The following NRP1 variants were observed in gnomAD, a reference collection of about 807,000 sequenced individuals.
NRP1 encodes neuropilin-1.
Under a neutral mutation model 106.7 loss-of-function variants are expected in NRP1, and 35 were observed. That is an observed-to-expected ratio of 0.33 (90% CI 0.25 to 0.43). The LOEUF is 0.43. Ranked by LOEUF, NRP1 falls within the 20% of genes least tolerant of loss-of-function variation. NRP1 has a pLI of 1.00. For missense variants in NRP1, 1,024 were observed against 1,170.4 expected (o/e 0.87, Z 1.83); for synonymous variants, 437 against 417.9 (o/e 1.05, Z -0.56).
chr10:33,263,553 T>C, intron 4 of NRP1, 93 bp downstream of exon 4: 2 of 885,154 alleles, frequency 2.3e-6, no homozygotes, highest in Non-Finnish European at 1.7e-6. Context: ...TGAGGTTTTT[T>C]TTAATGATTC....
At chr10:33,283,193 G>A (rs926419451) in intron 2 of NRP1, among the ~76,000 whole-genome samples, 2 of 152,168 alleles carry the variant, frequency 1.3e-5, no homozygotes, top group African/African-American at 4.8e-5. Context: ...TAATATTTAT[G>A]ATGCTAGAAT....
chr10:33,194,515 G>T, intron 12 of NRP1: 1 of 290,586 alleles, frequency 3.4e-6, no homozygotes. Context: ...CCAGGACATG[G>T]AACCGCTTTG....
At chr10:33,209,298 A>G (rs1838085058) in intron 9 of NRP1, among the ~76,000 whole-genome samples, 1 of 152,226 alleles carries the variant, frequency 6.6e-6, no homozygotes, top group Admixed American at 6.5e-5. Flanking sequence ...ATTCTGTATT[A>G]TGGTCCTTTT....
At chr10:33,236,576 C>G (rs1380762147) in intron 6 of NRP1, among the ~76,000 whole-genome samples, 2 of 152,200 alleles carry the variant, frequency 1.3e-5, no homozygotes, top group Non-Finnish European at 2.9e-5. Context: ...TGCTGCTGAT[C>G]TGGTTGACTG....
chr10:33,306,351 G>A (rs1171430307), intron 2 of NRP1, among the ~76,000 whole-genome samples: 1 of 85,774 alleles, frequency 1.2e-5, no homozygotes, highest in Non-Finnish European at 2.3e-5. Flanking sequence ...CTGCGGGTCA[G>A]AAGGGTGTGT....
intron 16 of NRP1, 26 bp from the exon 17 acceptor site, chr10:33,180,391 C>A (rs1202948412): frequency 6.5e-7 from 1 of 1,548,602 alleles, no homozygotes; most frequent in Non-Finnish European, 8.7e-7. Context: ...ATATTGTCTC[C>A]GTGAGCACCG....
intron 4 of NRP1, among the ~76,000 whole-genome samples, chr10:33,258,298 C>T (rs932403010): frequency 6.6e-6 from 1 of 152,156 alleles, no homozygotes; most frequent in African/African-American, 2.4e-5. Flanking sequence ...CTAAAGTAAA[C>T]CAAAATGGTT....
At chr10:33,263,412 T>A (rs1404036060) in intron 4 of NRP1, among the ~76,000 whole-genome samples, 4 of 152,208 alleles carry the variant, frequency 2.6e-5, no homozygotes, top group Non-Finnish European at 5.9e-5. Context: ...TTTTGTAATC[T>A]TTCATGGCCT....
At chr10:33,207,746 A>G in intron 9 of NRP1, 30 bp from the exon 10 acceptor site, 1 of 1,597,598 alleles carries the variant, frequency 6.3e-7, no homozygotes, top group African/African-American at 1.4e-5. Context: ...CAGGGCATTA[A>G]GGAAAAAAAA....
chr10:33,226,346 A>G (rs1839670605), intron 6 of NRP1, 57 bp from the exon 7 acceptor site: 5 of 1,586,512 alleles, frequency 3.2e-6, no homozygotes, highest in Non-Finnish European at 4.3e-6. Context: ...AGTAACCCAA[A>G]GCATCTTTTC....
At chr10:33,229,413 A>C (rs1839928304) in intron 6 of NRP1, among the ~76,000 whole-genome samples, 2 of 152,184 alleles carry the variant, frequency 1.3e-5, no homozygotes, top group Non-Finnish European at 2.9e-5. Flanking sequence ...AGTCATGCCC[A>C]ATGCCACAGC....
At chr10:33,222,450 T>C (rs1302585100) in intron 7 of NRP1, among the ~76,000 whole-genome samples, 1 of 152,206 alleles carries the variant, frequency 6.6e-6, no homozygotes. Context: ...AACTGAGTTA[T>C]AAATTATTTT....
At chr10:33,183,187 T>C (rs936089554) in intron 15 of NRP1, among the ~76,000 whole-genome samples, 1 of 152,000 alleles carries the variant, frequency 6.6e-6, no homozygotes, top group Admixed American at 6.6e-5. Flanking sequence ...AAAATTAGCT[T>C]TCCAGCTGCT....
At chr10:33,182,591 T>C in intron 16 of NRP1, 107 bp downstream of exon 16, 3 of 774,286 alleles carry the variant, frequency 3.9e-6, no homozygotes, top group Non-Finnish European at 6.5e-6. Flanking sequence ...GTTTTTTATT[T>C]GAACTTTTTG....
At chr10:33,191,785 C>T (rs2506149) in intron 13 of NRP1, among the ~76,000 whole-genome samples, 71,572 of 151,512 alleles carry the variant, frequency 0.47, 18,237 homozygotes, top group East Asian at 0.75. Flanking sequence ...GAGACCAGCC[C>T]GGCCAATGTG....
intron 8 of NRP1, among the ~76,000 whole-genome samples, chr10:33,220,498 G>T (rs1365871514): frequency 1.3e-5 from 2 of 152,158 alleles, no homozygotes; most frequent in African/African-American, 2.4e-5. Context: ...TTTTTTGTTG[G>T]TGGTGGTTGT....
At chr10:33,315,785 A>T (rs1022416149) in intron 2 of NRP1, among the ~76,000 whole-genome samples, 6 of 152,238 alleles carry the variant, frequency 3.9e-5, no homozygotes, top group Non-Finnish European at 7.3e-5. Flanking sequence ...GCATCATTTC[A>T]GGTAGAACTA....
At chr10:33,315,951 A>T (rs908971832) in intron 2 of NRP1, among the ~76,000 whole-genome samples, 1 of 152,188 alleles carries the variant, frequency 6.6e-6, no homozygotes, top group Non-Finnish European at 1.5e-5. Flanking sequence ...TGGCTAGAAT[A>T]GATAAGGGAG....
chr10:33,217,252 T>G (rs1449452320), intron 8 of NRP1, among the ~76,000 whole-genome samples: 3 of 152,134 alleles, frequency 2.0e-5, no homozygotes, highest in Non-Finnish European at 4.4e-5. Flanking sequence ...ATGCCCTTTC[T>G]CTAATGCAGA....
Sources: gnomAD v4.1 joint callset for allele counts (sites outside exome capture counted in the v4.1 genomes callset) on GRCh38, gnomAD v4.1.1 for gene constraint, MANE v1.5 for transcripts, NCBI Gene and HGNC (gene_info 2026-07-23, HGNC 2026-07-21) for gene names.